The following CORO7 variants were observed in gnomAD, a reference collection of about 807,000 sequenced individuals.
CORO7 encodes the protein coronin 7.
In CORO7, 107 loss-of-function variants were observed where a neutral mutation model predicts 126.6. The observed-to-expected ratio is 0.85, with a 90% CI of 0.72 to 0.99. The LOEUF (loss-of-function observed/expected upper bound fraction) is 0.99. Among genes scored for constraint, CORO7 ranks in the 50% least tolerant of loss-of-function variants. The probability of loss-of-function intolerance (pLI) is 0.00; values close to 1 mark genes in which losing one functional copy is unlikely to be tolerated. For missense variants in CORO7, 1,314 were observed against 1,255.8 expected (o/e 1.05, Z -0.70); for synonymous variants, 603 against 536.8 (o/e 1.12, Z -1.70).
At chr16:4,358,333 G>T (rs200424979) in intron 24 of CORO7, 34 bp downstream of exon 24, 1 of 1,605,598 alleles carries the variant, frequency 6.2e-7, no homozygotes, top group Non-Finnish European at 8.5e-7. Flanking sequence ...CCGAGAAGGC[G>T]GTGGGCATGG....
At chr16:4,369,591 C>G (rs1482635901) in intron 9 of CORO7, among the ~76,000 whole-genome samples, 1 of 152,174 alleles carries the variant, frequency 6.6e-6, no homozygotes, top group Non-Finnish European at 1.5e-5. Context: ...GCAGTTTCAG[C>G]CTCCGGATAA....
intron 9 of CORO7, chr16:4,381,761 C>T (rs1292335236): frequency 1.9e-6 from 3 of 1,602,182 alleles, no homozygotes; most frequent in Non-Finnish European, 2.5e-6. Context: ...CTGCTGGCAG[C>T]TGCCCGCAAC....
At chr16:4,371,870 G>A (rs961834372) in intron 9 of CORO7, 6 of 152,164 alleles carry the variant, frequency 3.9e-5, no homozygotes, top group Non-Finnish European at 8.8e-5. Context: ...CGAGCCCGGG[G>A]CGGGTGGACG....
chr16:4,394,197 G>T (rs2055496400), intron 7 of CORO7, among the ~76,000 whole-genome samples: 1 of 152,102 alleles, frequency 6.6e-6, no homozygotes, highest in Non-Finnish European at 1.5e-5. Context: ...TGTAATCCCA[G>T]CACTTTAGGA....
At chr16:4,384,397 C>G (rs1003023831) in intron 9 of CORO7, among the ~76,000 whole-genome samples, 1 of 152,218 alleles carries the variant, frequency 6.6e-6, no homozygotes, top group Non-Finnish European at 1.5e-5. Context: ...GATGGACACA[C>G]AGCACCTTTT....
At chr16:4,405,971 T>G (rs556349519) in intron 5 of CORO7, among the ~76,000 whole-genome samples, 1 of 152,312 alleles carries the variant, frequency 6.6e-6, no homozygotes, top group Admixed American at 6.5e-5. Flanking sequence ...TGTTCCAGGT[T>G]AAATTGTGCT....
At chr16:4,394,784 C>A (rs1028262007) in intron 7 of CORO7, among the ~76,000 whole-genome samples, 3 of 152,238 alleles carry the variant, frequency 2.0e-5, no homozygotes, top group Admixed American at 1.3e-4. Context: ...TGGATGCCTG[C>A]AGCATGAGCC....
intron 2 of CORO7, chr16:4,413,023 G>C (rs1247649101): frequency 2.7e-6 from 1 of 369,020 alleles, no homozygotes; most frequent in African/African-American, 2.1e-5. Flanking sequence ...AGGGAGCACA[G>C]AGGGACAGCT....
chr16:4,407,062 C>G (rs1428371524), intron 5 of CORO7, among the ~76,000 whole-genome samples: 1 of 152,042 alleles, frequency 6.6e-6, no homozygotes, highest in Non-Finnish European at 1.5e-5. Flanking sequence ...ATACTCTTGC[C>G]GCAGCCTTCT....
intron 9 of CORO7, among the ~76,000 whole-genome samples, chr16:4,378,309 C>T (rs978542078): frequency 2.2e-4 from 33 of 151,950 alleles, no homozygotes; most frequent in Middle Eastern, 3.4e-3. Flanking sequence ...TGACCTTAAA[C>T]GAGGCCCAAG....
In CORO7 at chr16:4,362,897, A is replaced by C; in HGVS notation, c.1276-159T>G. 5 of 820,432 alleles carry C rather than the reference A, an allele frequency of 6.1e-6. No homozygotes were observed. Among genetic ancestry groups the C allele is most frequent in the Non-Finnish European group, 8.2e-6 (5 of 609,508 alleles). 50.8% of individuals were successfully genotyped at this position (820,432 alleles called of 1,614,324 possible). On this transcript the variant is annotated intron_variant, in intron 14 of 27. Coordinates refer to ENST00000251166, the MANE Select transcript of CORO7 (RefSeq NM_024535.5). The surrounding 1 kb of genome is among the most constrained non-coding windows in gnomAD (Gnocchi z 5.3). Reference sequence around the variant, plus strand: ...GGAGCGGCGGGGGGCACGGGCATAAACGCAGACACACAGGGAAGCAGCCGA... The same window carrying C: ...GGAGCGGCGGGGGGCACGGGCATAACCGCAGACACACAGGGAAGCAGCCGA...
intron 6 of CORO7, among the ~76,000 whole-genome samples, chr16:4,401,424 C>T (rs1639834495): frequency 6.6e-6 from 1 of 152,224 alleles, no homozygotes; most frequent in Non-Finnish European, 1.5e-5. Flanking sequence ...TATGCCGCTC[C>T]TGGCAAAGCC....
intron 9 of CORO7, among the ~76,000 whole-genome samples, chr16:4,377,572 A>C (rs1460529489): frequency 6.6e-6 from 1 of 152,188 alleles, no homozygotes; most frequent in Non-Finnish European, 1.5e-5. Context: ...TGAGAAACTG[A>C]GGCCCACAGT....
intron 26 of CORO7, 60 bp from the exon 27 acceptor site, chr16:4,355,432 A>G: frequency 6.6e-7 from 1 of 1,526,388 alleles, no homozygotes; most frequent in Non-Finnish European, 8.9e-7. Context: ...TCCCTCTCCC[A>G]CTCCAAGAAC....
At chr16:4,360,588 C>T (rs774273813) in intron 19 of CORO7, 40 bp from the exon 20 acceptor site, 1 of 1,553,954 alleles carries the variant, frequency 6.4e-7, no homozygotes, top group Non-Finnish European at 8.7e-7. Flanking sequence ...CCTTGCTTCA[C>T]TGCTGGCCCC....
intron 24 of CORO7, 67 bp from the exon 25 acceptor site, chr16:4,358,170 G>A (rs1422576409): frequency 1.0e-5 from 16 of 1,574,116 alleles, no homozygotes; most frequent in Non-Finnish European, 1.4e-5. Flanking sequence ...GGCATCTGTT[G>A]GGGAGGGACA....
chr16:4,355,386 CAGA>C lies in CORO7; in HGVS notation c.2686-17_2686-15del. 4 of 1,605,032 alleles carry C rather than the reference CAGA, an allele frequency of 2.5e-6. No homozygotes were observed. The highest frequency in any genetic ancestry group is 1.7e-6 in the Non-Finnish European group (2 of 1,178,506). ...GGCATTCAGCAGCTGGGAGAGAGGG[CAGA>C]AGAAGGGTAGGTAAGGGAATAGGAC... On this transcript the variant is annotated splice_polypyrimidine_tract_variant and intron_variant, in intron 26 of 27. Coordinates refer to ENST00000251166, the MANE Select transcript of CORO7 (RefSeq NM_024535.5).
intron 6 of CORO7, among the ~76,000 whole-genome samples, chr16:4,399,611 A>C (rs2055728441): frequency 6.6e-6 from 1 of 152,182 alleles, no homozygotes; most frequent in Non-Finnish European, 1.5e-5. Flanking sequence ...TGAACTGTAC[A>C]CTTAAAAATG....
chr16:4,390,969 G>C (rs1181380310), intron 7 of CORO7, among the ~76,000 whole-genome samples: 2 of 152,242 alleles, frequency 1.3e-5, no homozygotes, highest in Non-Finnish European at 2.9e-5. Context: ...AGCCTTCAGA[G>C]GTCCAGGTAA....
Sources: allele counts gnomAD v4.1 joint callset (sites outside exome capture counted in the v4.1 genomes callset), GRCh38; gene constraint gnomAD v4.1.1; non-coding constraint Gnocchi (gnomAD v3.1); transcripts MANE v1.5; gene names NCBI Gene and HGNC (gene_info 2026-07-23, HGNC 2026-07-21).